GAPVD1: variants seen among roughly 807,000 people sequenced by gnomAD.
GAPVD1 encodes GTPase activating protein and VPS9 domains 1, also known as GTPase-activating protein and VPS9 domain-containing protein 1.
A neutral mutation model predicts 155.5 loss-of-function variants in GAPVD1; 35 were observed. The ratio of observed to expected loss-of-function variants is 0.23; its 90% CI spans 0.17 to 0.30. The LOEUF (loss-of-function observed/expected upper bound fraction) is 0.30, where lower values mean the gene tolerates loss of function less well. Among genes scored for constraint, GAPVD1 ranks in the 10% least tolerant of loss-of-function variants. GAPVD1 has a pLI of 1.00. For synonymous variants in GAPVD1, 636 were observed against 619.7 expected, an observed-to-expected ratio of 1.03 and a Z score of -0.39; for missense variants, 1,429 against 1,775.7, an observed-to-expected ratio of 0.80 and a Z score of 3.51.
intron 4 of GAPVD1, among the ~76,000 whole-genome samples, chr9:125,299,373 G>T (rs1367752866): frequency 6.6e-6 from 1 of 152,034 alleles, no homozygotes; most frequent in Non-Finnish European, 1.5e-5. Context: ...AAATGTTATT[G>T]TTGGCTGGGC....
chr9:125,265,580 T>G (rs1046266067), intron 1 of GAPVD1, among the ~76,000 whole-genome samples: 5 of 149,350 alleles, frequency 3.3e-5, no homozygotes, highest in Non-Finnish European at 7.4e-5. Flanking sequence ...GCTGGCTAAT[T>G]TTTGTATTTT....
chr9:125,308,939 A>G (rs924625927), intron 8 of GAPVD1: 1 of 152,248 alleles, frequency 6.6e-6, no homozygotes, highest in African/African-American at 2.4e-5. Context: ...ATCTTGGAGC[A>G]GGTGAAGTCT....
intron 2 of GAPVD1, among the ~76,000 whole-genome samples, chr9:125,277,834 T>C (rs1195439701): frequency 6.6e-6 from 1 of 151,946 alleles, no homozygotes; most frequent in Non-Finnish European, 1.5e-5. Flanking sequence ...ACCCAGCTAA[T>C]TTTTAAATTT....
At chr9:125,275,804 A>G (rs547487309) in intron 2 of GAPVD1, among the ~76,000 whole-genome samples, 1 of 152,324 alleles carries the variant, frequency 6.6e-6, no homozygotes, top group South Asian at 2.1e-4. Flanking sequence ...CAATTTCATT[A>G]GTAATGATTT....
At chr9:125,336,327 A>G (rs1223793102) in intron 15 of GAPVD1, among the ~76,000 whole-genome samples, 4 of 151,472 alleles carry the variant, frequency 2.6e-5, no homozygotes, top group Non-Finnish European at 5.9e-5. Flanking sequence ...AAATAGCTTC[A>G]GACTAAAAAC....
At chr9:125,300,093 A>G (rs1247475519) in intron 4 of GAPVD1, among the ~76,000 whole-genome samples, 7 of 100,508 alleles carry the variant, frequency 7.0e-5, no homozygotes, top group African/African-American at 2.3e-4. Flanking sequence ...ATATATATAT[A>G]TGTATTTCCA....
intron 2 of GAPVD1, among the ~76,000 whole-genome samples, chr9:125,275,281 G>A (rs1286842582): frequency 6.6e-6 from 1 of 151,902 alleles, no homozygotes; most frequent in African/African-American, 2.4e-5. Context: ...TCACTATGTT[G>A]GCCAGGCTGG....
chr9:125,281,416 T>A (rs1475234274), intron 2 of GAPVD1, among the ~76,000 whole-genome samples: 1 of 152,226 alleles, frequency 6.6e-6, no homozygotes, highest in Non-Finnish European at 1.5e-5. Flanking sequence ...CCCAAAGTGC[T>A]GGGATCACAG....
chr9:125,284,180 C>CTTTTTTT (rs34335675), intron 2 of GAPVD1, among the ~76,000 whole-genome samples: 2 of 92,618 alleles, frequency 2.2e-5, no homozygotes, highest in African/African-American at 9.3e-5. Context: ...CCCGCCAGAA[C>CTTTTTTT]TTTTTTTTTT....
chr9:125,271,611 C>G (rs1479605128), intron 2 of GAPVD1, among the ~76,000 whole-genome samples: 1 of 152,092 alleles, frequency 6.6e-6, no homozygotes, highest in Non-Finnish European at 1.5e-5. Flanking sequence ...AGTCCAGTGA[C>G]CTGATCTTGG....
rs779323745 is a variant in GAPVD1, at chr9:125,302,294, A to C, written c.497A>C (p.Asn166Thr). 3.1e-6 allele frequency: 5 copies of C among 1,613,990 alleles called. No individual in the cohort carries two copies. The highest frequency in any genetic ancestry group is 3.4e-6 in the Non-Finnish European group (4 of 1,179,920). ...GAATTTGAACTTAAAGAAAGTGACA[A>C]CCCTAGGCGACTTTTGAGGAGAGGA... ...LIEFELKESD[N>T]PRRLLRRGTC... Residue 166 changes from asparagine to threonine, a missense_variant, in exon 5 of 28, where the codon AAC becomes ACC. Physicochemically the swap from Asn to Thr is moderately conservative, Grantham distance 65. Around this residue, in one of 4 missense-constraint regions of GAPVD1, gnomAD observed 628 missense variants for 733.4 expected, o/e 0.86. Coordinates refer to ENST00000297933, the MANE Select transcript of GAPVD1 (RefSeq NM_001282680.3).
chr9:125,284,697 G>A (rs1015040675), intron 2 of GAPVD1, among the ~76,000 whole-genome samples: 8 of 152,058 alleles, frequency 5.3e-5, no homozygotes, highest in Non-Finnish European at 8.8e-5. Context: ...GTGTCATTGT[G>A]TAAACATTAT....
chr9:125,354,618 T>C (rs774018804), intron 23 of GAPVD1, 36 bp from the exon 24 acceptor site: 12 of 1,390,756 alleles, frequency 8.6e-6, no homozygotes, highest in Non-Finnish European at 1.0e-5. Flanking sequence ...ATGCACTGAA[T>C]ATATCTGATG....
chr9:125,360,471 A>C, intron 26 of GAPVD1, 57 bp from the exon 27 acceptor site: 1 of 1,369,312 alleles, frequency 7.3e-7, no homozygotes, highest in Non-Finnish European at 1.0e-6. Context: ...TGCAGTAGTC[A>C]CTGCGCAGGG....
intron 9 of GAPVD1, among the ~76,000 whole-genome samples, chr9:125,313,500 C>G (rs966730543): frequency 1.3e-5 from 2 of 151,766 alleles, no homozygotes; most frequent in African/African-American, 4.8e-5. Flanking sequence ...AGAAGGGGTT[C>G]CACCGTGTTA....
At position 125,337,545 on chromosome 9, in the gene GAPVD1, C is replaced by T. The variant is rs1463915733; in HGVS notation, c.2831C>T (p.Pro944Leu). 6.2e-7 allele frequency: 1 copy of T among 1,614,040 alleles called. No homozygotes were observed. Among genetic ancestry groups the T allele is most frequent in the Admixed American group, 1.7e-5 (1 of 60,016 alleles). Residue 944 changes from proline (P) to leucine (L), a missense_variant, in exon 17 of 28, where the codon CCT becomes CTT. Coordinates refer to ENST00000297933, the MANE Select transcript of GAPVD1 (RefSeq NM_001282680.3). ...AIGATSLVAA[P>L]HSSSSSPSKD... ...GGTGCTACTTCTTTGGTGGCTGCAC[C>T]TCATTCATCATCTTCATCCCCGAGT... is the stretch of plus-strand genomic sequence containing the variant.
At chr9:125,345,009 G>A (rs547866616) in intron 19 of GAPVD1, among the ~76,000 whole-genome samples, 8 of 152,154 alleles carry the variant, frequency 5.3e-5, no homozygotes, top group African/African-American at 1.9e-4. Flanking sequence ...AGCATACTCA[G>A]GGAATTGGTT....
intron 2 of GAPVD1, among the ~76,000 whole-genome samples, chr9:125,269,425 T>G (rs1323769875): frequency 6.6e-6 from 1 of 152,106 alleles, no homozygotes; most frequent in Non-Finnish European, 1.5e-5. Flanking sequence ...CCTAAACTTG[T>G]GCTTGCATAG....
chr9:125,285,306 A>G (rs359593), intron 2 of GAPVD1, among the ~76,000 whole-genome samples: 1,730 of 152,310 alleles, frequency 0.011, 26 homozygotes, highest in African/African-American at 0.04. Context: ...CATTATGGAA[A>G]GATATAGAAA....
Sources: gnomAD v4.1 joint callset for allele counts (sites outside exome capture counted in the v4.1 genomes callset) on GRCh38, gnomAD v4.1.1 for gene constraint, gnomAD v4.1.1 regional missense constraint, MANE v1.5 for transcripts, NCBI Gene and HGNC (gene_info 2026-07-23, HGNC 2026-07-21) for gene names.